Variants in ANKRD11 observed in about 807,000 individuals in gnomAD.
The protein encoded by ANKRD11 is ankyrin repeat domain 11, also known as ankyrin repeat domain-containing protein 11.
ANKRD11 carries 17 observed loss-of-function variants against 195.7 expected under a neutral mutation model. The ratio of observed to expected loss-of-function variants is 0.09; its 90% CI spans 0.06 to 0.13. ANKRD11 has a LOEUF of 0.13. ANKRD11 is among the 10% of genes least tolerant of loss of function. The pLI, the probability that ANKRD11 is intolerant of heterozygous loss-of-function variation, is 1.00. For missense variants in ANKRD11, 3,735 were observed against 3,566.1 expected, an observed-to-expected ratio of 1.05 and a Z score of -1.21; for synonymous variants, 1,953 against 1,528.1, an observed-to-expected ratio of 1.28 and a Z score of -6.49.
At chr16:89,448,432 T>G (rs2043907875) in intron 1 of ANKRD11, among the ~76,000 whole-genome samples, 1 of 152,172 alleles carries the variant, frequency 6.6e-6, no homozygotes, top group South Asian at 2.1e-4. Flanking sequence ...CACCATGAGT[T>G]CCAAATCACA....
At chr16:89,423,045 C>T (rs1176177003) in intron 1 of ANKRD11, among the ~76,000 whole-genome samples, 1 of 152,220 alleles carries the variant, frequency 6.6e-6, no homozygotes, top group African/African-American at 2.4e-5. Flanking sequence ...AGGCCTGTGG[C>T]TGCCCCACAC....
intron 7 of ANKRD11, chr16:89,286,751 G>T (rs1340653495): frequency 7.8e-7 from 1 of 1,286,900 alleles, no homozygotes; most frequent in African/African-American, 1.5e-5. Context: ...GTGGTCACAT[G>T]ACTGACAGAG....
chr16:89,488,831 A>G (rs1363442535), intron 1 of ANKRD11, among the ~76,000 whole-genome samples: 1 of 152,276 alleles, frequency 6.6e-6, no homozygotes, highest in East Asian at 1.9e-4. Context: ...CTCTCTCCTC[A>G]TGTAAGAAAG....
At chr16:89,356,736 G>A (rs866163841) in intron 2 of ANKRD11, among the ~76,000 whole-genome samples, 2 of 138,680 alleles carry the variant, frequency 1.4e-5, no homozygotes, top group Admixed American at 8.0e-5. Flanking sequence ...AGCCAAGATC[G>A]CACCACTGCA....
At chr16:89,452,739 C>T (rs2152317387) in intron 1 of ANKRD11, among the ~76,000 whole-genome samples, 1 of 131,546 alleles carries the variant, frequency 7.6e-6, no homozygotes, top group Admixed American at 8.8e-5. Context: ...GAGATCATGC[C>T]ATTGCACTCC....
At chr16:89,346,250 G>GAAA (rs35573539) in intron 2 of ANKRD11, among the ~76,000 whole-genome samples, 33 of 96,848 alleles carry the variant, frequency 3.4e-4, no homozygotes, top group Middle Eastern at 5.9e-3. Context: ...CCCGTCTCAG[G>GAAA]AAAAAAAAAA....
chr16:89,426,820 G>A (rs568012800), intron 1 of ANKRD11, among the ~76,000 whole-genome samples: 17 of 152,286 alleles, frequency 1.1e-4, no homozygotes, highest in South Asian at 1.0e-3. Context: ...GGAGAAATCC[G>A]GGAAGCGGCT....
rs773572741 is a variant in ANKRD11, at chr16:89,281,799, G to A, written c.4743C>T (p.Thr1581=). Residue 1581 remains threonine (T), a synonymous_variant, in exon 9 of 13, where the codon ACC becomes ACT. Coordinates refer to ENST00000301030, the MANE Select transcript of ANKRD11 (RefSeq NM_013275.6). The surrounding 1 kb of genome is among the most constrained non-coding windows in gnomAD (Gnocchi z 5.5). ...TCTGGGACAGCATCCTCTCGAAGCT[G>A]GTCATCATCAGGTCGCCGTCCCCCA... ...KLLGDGDLMM[T]SFERMLSQKD... is the part of the protein sequence containing the mutation. The A allele has an allele frequency of 1.2e-6, 2 of 1,613,894 alleles. No homozygotes were observed. Among genetic ancestry groups the A allele is most frequent in the African/African-American group, 2.7e-5 (2 of 74,896 alleles).
At chr16:89,330,655 A>G (rs200150161) in intron 2 of ANKRD11, among the ~76,000 whole-genome samples, 1 of 3,478 alleles carries the variant, frequency 2.9e-4, no homozygotes, top group Non-Finnish European at 6.1e-4. Flanking sequence ...CAGTACAGTG[A>G]CTGGGGGGGG....
In ANKRD11 at chr16:89,480,171, C is replaced by A. The variant is rs549550520; in HGVS notation, c.-145+10074G>T. Among the ~76,000 whole-genome samples the A allele has an allele frequency of 1.3e-4, 19 of 151,718 alleles. No individual in the cohort carries two copies. The South Asian group carries it at 2.5e-3, about 20-fold the overall frequency. On this transcript the variant is annotated intron_variant, in intron 1 of 12. Coordinates refer to ENST00000301030, the MANE Select transcript of ANKRD11 (RefSeq NM_013275.6). ...ATTGCCTTCCTTCTCAGACCACAAG[C>A]CTTTTTAAAAATCCTAACTTTTAGG...
intron 2 of ANKRD11, among the ~76,000 whole-genome samples, chr16:89,371,914 C>A (rs1276266345): frequency 6.6e-6 from 1 of 152,212 alleles, no homozygotes; most frequent in African/African-American, 2.4e-5. Flanking sequence ...AGGAACTCTA[C>A]TGACTGGCCT....
chr16:89,410,230 C>T (rs1161324709), intron 2 of ANKRD11, among the ~76,000 whole-genome samples: 3 of 152,168 alleles, frequency 2.0e-5, no homozygotes, highest in Non-Finnish European at 2.9e-5. Flanking sequence ...CCGGTGGGTA[C>T]GGCCCTTTGA....
chr16:89,432,397 C>A (rs1298895525), intron 1 of ANKRD11, among the ~76,000 whole-genome samples: 1 of 152,082 alleles, frequency 6.6e-6, no homozygotes, highest in African/African-American at 2.4e-5. Flanking sequence ...CCGTGGCAGC[C>A]GCCTCCCAGA....
At position 89,284,661 on chromosome 16, in the gene ANKRD11, T is replaced by C; in HGVS notation, c.1881A>G (p.Lys627=). 2.5e-6 allele frequency: 4 copies of C among 1,614,068 alleles called. No homozygotes were observed. Among genetic ancestry groups the C allele is most frequent in the Middle Eastern group, 1.6e-4 (1 of 6,062 alleles). Residue 627 remains lysine, a synonymous_variant, in exon 9 of 13, where the codon AAA becomes AAG. Coordinates refer to ENST00000301030, the MANE Select transcript of ANKRD11 (RefSeq NM_013275.6). ...GAVPKLDKEG[K]VVKKHKTKHK... is the part of the protein sequence containing the mutation. ...GTTTTGTTTTATGTTTTTTGACAAC[T>C]TTCCCCTCCTTGTCCAGTTTGGGGA...
intron 4 of ANKRD11, among the ~76,000 whole-genome samples, chr16:89,292,136 G>A (rs2035100957): frequency 6.6e-6 from 1 of 152,162 alleles, no homozygotes; most frequent in Non-Finnish European, 1.5e-5. Context: ...GCAGCGCAGA[G>A]GCAAGGCTCT....
chr16:89,440,749 A>G (rs1266553882), intron 1 of ANKRD11, among the ~76,000 whole-genome samples: 1 of 152,204 alleles, frequency 6.6e-6, no homozygotes, highest in African/African-American at 2.4e-5. Flanking sequence ...ACATCCAGGC[A>G]CCACCCAGCA....
At chr16:89,339,634 A>C (rs1327115030) in intron 2 of ANKRD11, among the ~76,000 whole-genome samples, 1 of 152,246 alleles carries the variant, frequency 6.6e-6, no homozygotes, top group Non-Finnish European at 1.5e-5. Context: ...ACAAATTAGC[A>C]ATAGCTAATG....
At chr16:89,409,649 C>G (rs2152203115) in intron 2 of ANKRD11, among the ~76,000 whole-genome samples, 1 of 152,184 alleles carries the variant, frequency 6.6e-6, no homozygotes, top group African/African-American at 2.4e-5. Flanking sequence ...TCCTGTTGTA[C>G]CAAAACACAC....
intron 2 of ANKRD11, among the ~76,000 whole-genome samples, chr16:89,378,542 T>C (rs1046527256): frequency 6.6e-6 from 1 of 152,220 alleles, no homozygotes; most frequent in African/African-American, 2.4e-5. Context: ...ATGTACGTGC[T>C]ATAAGGCTAC....
Sources: allele counts gnomAD v4.1 joint callset (sites outside exome capture counted in the v4.1 genomes callset), GRCh38; gene constraint gnomAD v4.1.1; non-coding constraint Gnocchi (gnomAD v3.1); transcripts MANE v1.5; gene names NCBI Gene and HGNC (gene_info 2026-07-23, HGNC 2026-07-21).